The following ZRSR2 variants were observed in gnomAD, a reference collection of about 807,000 sequenced individuals.
The protein encoded by ZRSR2 is zinc finger CCCH-type, RNA binding motif and serine/arginine rich 2.
ZRSR2 carries 3 observed loss-of-function variants against 39.4 expected under a neutral mutation model. That is an observed-to-expected ratio of 0.08 (90% CI 0.03 to 0.20). The LOEUF is 0.20. ZRSR2 is among the 10% of genes least tolerant of loss of function. The pLI is 1.00. For missense variants in ZRSR2, 256 were observed against 391.5 expected (o/e 0.65, Z 2.92); for synonymous variants, 137 against 136.0 (o/e 1.01, Z -0.05).
intron 4 of ZRSR2, 66 bp from the exon 5 acceptor site, chrX:15,804,045 T>G (rs1228438447): frequency 9.2e-7 from 1 of 1,088,650 alleles, no homozygotes; most frequent in East Asian, 3.4e-5. Flanking sequence ...TTCATCTATG[T>G]GCGCTGTATG....
intron 2 of ZRSR2, among the ~76,000 whole-genome samples, chrX:15,792,188 C>T (rs777543771): frequency 1.1e-4 from 12 of 111,817 alleles, no homozygotes; most frequent in Non-Finnish European, 1.9e-4. Flanking sequence ...TTTGGAAAGC[C>T]GAGGCAGATG....
chrX:15,822,606 C>T, intron 10 of ZRSR2, 125 bp from the exon 11 acceptor site: 1 of 1,121,127 alleles, frequency 8.9e-7, no homozygotes, highest in Non-Finnish European at 1.2e-6. Flanking sequence ...GCCCCTTTTA[C>T]ATAATACACA....
At chrX:15,807,490 G>A (rs953880307) in intron 5 of ZRSR2, among the ~76,000 whole-genome samples, 33 of 107,156 alleles carry the variant, frequency 3.1e-4, no homozygotes, top group Admixed American at 1.3e-3. Flanking sequence ...GGGTTTCACC[G>A]TCTTGGCCAG....
Position 15,809,238 on chromosome X carries a change from C to T in ZRSR2, c.477C>T (p.Pro159=), listed in dbSNP as rs780359843. The T allele has an allele frequency of 8.3e-6, 10 of 1,209,145 alleles. No individual in the cohort carries two copies. The South Asian group carries it at 8.8e-5, about 11-fold the overall frequency. Residue 159 remains proline (P), a synonymous_variant, in exon 7 of 11, where the codon CCC becomes CCT. Coordinates refer to ENST00000307771, the MANE Select transcript of ZRSR2 (RefSeq NM_005089.4). ...NGTTWQNPEP[P]VDFRVMEKDR... ...CCACATGGCAAAACCCAGAACCACC[C>T]GTGGATTTCAGAGTAATGGAGAAGG...
At chrX:15,809,687 A>G (rs918447435) in intron 7 of ZRSR2, among the ~76,000 whole-genome samples, 2 of 112,053 alleles carry the variant, frequency 1.8e-5, no homozygotes, top group Non-Finnish European at 3.8e-5. Flanking sequence ...TATTTTTTGA[A>G]GGGCACACAC....
intron 3 of ZRSR2, among the ~76,000 whole-genome samples, chrX:15,802,987 G>T (rs1007922009): frequency 9.1e-5 from 10 of 109,855 alleles, no homozygotes; most frequent in Admixed American, 8.8e-4. Context: ...TAGGGGCTGG[G>T]TGCAGTGGCT....
chrX:15,803,003 A>G (rs966315084), intron 3 of ZRSR2, among the ~76,000 whole-genome samples: 1 of 109,011 alleles, frequency 9.2e-6, no homozygotes, highest in African/African-American at 3.3e-5. Flanking sequence ...TGGCTCACAC[A>G]TGTAATCCCA....
Position 15,799,905 on chromosome X carries a change from T to G in ZRSR2, c.155T>G (p.Phe52Cys), listed in dbSNP as rs201893706. 2.9e-5 allele frequency: 35 copies of G among 1,203,976 alleles called. No individual in the cohort carries two copies. Among genetic ancestry groups the G allele is most frequent in the Non-Finnish European group, 3.9e-5 (35 of 891,245 alleles). ...LSQKEEEEDTFIEEQQLEEEK... is the reference protein window; with the variant it reads ...LSQKEEEEDTCIEEQQLEEEK... ...CAGAAGGAGGAAGAGGAGGACACTT[T>G]TATTGAAGAACAACAACTAGAAGAA... The change falls in exon 3 of 11, where the codon TTT (phenylalanine) becomes TGT (cysteine). Residue 52 changes from phenylalanine to cysteine, a missense_variant. Coordinates refer to ENST00000307771, the MANE Select transcript of ZRSR2 (RefSeq NM_005089.4).
chrX:15,791,891 A>G (rs1377603321), intron 2 of ZRSR2, among the ~76,000 whole-genome samples: 1 of 109,700 alleles, frequency 9.1e-6, no homozygotes, highest in Non-Finnish European at 1.9e-5. Context: ...CGAACTTCTG[A>G]CCTCAGGTGA....
At chrX:15,793,142 C>T (rs1932337341) in intron 2 of ZRSR2, among the ~76,000 whole-genome samples, 1 of 111,813 alleles carries the variant, frequency 8.9e-6, no homozygotes. Flanking sequence ...TCGTCTCTCC[C>T]CCCTTGAAAT....
chrX:15,820,465 CCA>C (rs1225279701), intron 10 of ZRSR2, 149 bp downstream of exon 10: 2 of 489,345 alleles, frequency 4.1e-6, no homozygotes, highest in East Asian at 7.5e-5. Context: ...ATAAAGAACA[CCA>C]CAGTTTAGAT....
chrX:15,793,312 A>C (rs1241403873), intron 2 of ZRSR2, among the ~76,000 whole-genome samples: 1 of 111,057 alleles, frequency 9.0e-6, no homozygotes, highest in East Asian at 2.8e-4. Flanking sequence ...TACTTAGCAA[A>C]ATGTGTTCAG....
chrX:15,820,423 G>A (rs1316010791), intron 10 of ZRSR2, 107 bp downstream of exon 10: 4 of 711,843 alleles, frequency 5.6e-6, no homozygotes, highest in Non-Finnish European at 8.7e-6. Context: ...ATAGCTTTTT[G>A]CCTCACACAG....
At chrX:15,805,422 C>G (rs1025486805) in intron 5 of ZRSR2, among the ~76,000 whole-genome samples, 2 of 111,656 alleles carry the variant, frequency 1.8e-5, no homozygotes, top group African/African-American at 6.5e-5. Flanking sequence ...ATCTGTGAGA[C>G]TTCAAGGAGA....
chrX:15,796,768 C>T (rs1389043399), intron 2 of ZRSR2, among the ~76,000 whole-genome samples: 1 of 83,831 alleles, frequency 1.2e-5, no homozygotes, highest in African/African-American at 4.6e-5. Flanking sequence ...AGTCAGAGAT[C>T]ATTTTGTTTC....
chrX:15,791,121 A>G lies in ZRSR2; in HGVS notation c.121+108A>G, dbSNP rs1932262243. The G allele has an allele frequency of 1.2e-5, 8 of 687,223 alleles. No homozygotes were observed. The South Asian group carries it at 2.0e-4, about 17-fold the overall frequency. The allele number at this position is 687,223 out of a possible 1,213,427, so 56.6% of individuals were successfully genotyped here. The stretch of plus-strand genomic sequence containing the variant: ...GGAAGTCAAATATTGTGTCGGAGGA[A>G]AAATAGCTGTGACTTCTGCCCCCAA... On this transcript the variant is annotated intron_variant, in intron 2 of 10. Transcript: ENST00000307771.
At chrX:15,808,128 G>A (rs946710032) in intron 5 of ZRSR2, 105 bp from the exon 6 acceptor site, 7 of 670,732 alleles carry the variant, frequency 1.0e-5, no homozygotes, top group East Asian at 3.2e-5. Flanking sequence ...ACTTGTGTGC[G>A]TGTGTGTGTT....
In ZRSR2 at chrX:15,797,588, C is replaced by T. The variant is rs185546420; in HGVS notation, c.122-2284C>T. Among the ~76,000 whole-genome samples, 5 of 111,254 alleles carry T rather than the reference C, an allele frequency of 4.5e-5. No homozygotes were observed. The East Asian group carries it at 8.4e-4, about 19-fold the overall frequency. ...GACTAGTATGTACATATATTTTATGCATTCATGACATACCTTTTTCTTAAT... is the reference window on the plus strand; with the variant it reads ...GACTAGTATGTACATATATTTTATGTATTCATGACATACCTTTTTCTTAAT... On this transcript the variant is annotated intron_variant, in intron 2 of 10. Coordinates refer to ENST00000307771, the MANE Select transcript of ZRSR2 (RefSeq NM_005089.4).
intron 2 of ZRSR2, among the ~76,000 whole-genome samples, 189 bp downstream of exon 2, chrX:15,791,202 A>AG (rs1222001289): frequency 8.9e-6 from 1 of 112,225 alleles, no homozygotes; most frequent in Non-Finnish European, 1.9e-5. Flanking sequence ...AGGCAGGAAG[A>AG]GGAAGTCTTG....
Sources: gnomAD v4.1 joint callset for allele counts (sites outside exome capture counted in the v4.1 genomes callset) on GRCh38, gnomAD v4.1.1 for gene constraint, MANE v1.5 for transcripts, NCBI Gene and HGNC (gene_info 2026-07-23, HGNC 2026-07-21) for gene names.